Variants in CUL1 observed in about 807,000 individuals in gnomAD.
The protein encoded by CUL1 is cullin-1.
A neutral mutation model predicts 118.0 loss-of-function variants in CUL1; 24 were observed. The ratio of observed to expected loss-of-function variants is 0.20; its 90% CI spans 0.15 to 0.29. CUL1 has a LOEUF of 0.29. CUL1 is among the 10% of genes least tolerant of loss of function. The pLI is 1.00. For missense variants in CUL1, 361 were observed against 933.8 expected, an observed-to-expected ratio of 0.39 and a Z score of 7.99; for synonymous variants, 332 against 340.4, an observed-to-expected ratio of 0.98 and a Z score of 0.27.
intron 2 of CUL1, among the ~76,000 whole-genome samples, chr7:148,749,784 A>G (rs1425830666): frequency 6.6e-6 from 1 of 152,234 alleles, no homozygotes; most frequent in African/African-American, 2.4e-5. Flanking sequence ...GATTAAGCCA[A>G]ATGAGGAAGG....
intron 9 of CUL1, among the ~76,000 whole-genome samples, chr7:148,779,873 G>T (rs1419731795): frequency 1.3e-5 from 2 of 152,178 alleles, no homozygotes; most frequent in African/African-American, 4.8e-5. Flanking sequence ...CCTCAATCTG[G>T]TGGGCACAAT....
intron 2 of CUL1, among the ~76,000 whole-genome samples, chr7:148,750,355 T>A (rs1384400855): frequency 6.6e-6 from 1 of 151,606 alleles, no homozygotes; most frequent in African/African-American, 2.4e-5. Context: ...AATGTGCAGG[T>A]TTGTTACATA....
intron 9 of CUL1, among the ~76,000 whole-genome samples, chr7:148,778,367 G>A (rs1800490178): frequency 6.6e-6 from 1 of 152,066 alleles, no homozygotes; most frequent in South Asian, 2.1e-4. Context: ...TGGTAGTGGT[G>A]GGAACCTCAG....
intron 1 of CUL1, among the ~76,000 whole-genome samples, chr7:148,710,912 C>G (rs1798031412): frequency 1.3e-5 from 2 of 152,122 alleles, no homozygotes; most frequent in South Asian, 4.1e-4. Context: ...AGGTGATCTG[C>G]CCGCCTCGGC....
chr7:148,741,993 A>C (rs771156511), intron 2 of CUL1, among the ~76,000 whole-genome samples: 3 of 152,200 alleles, frequency 2.0e-5, no homozygotes, highest in Non-Finnish European at 4.4e-5. Context: ...TCATGAGTTT[A>C]TTACTGTCAT....
chr7:148,757,301 T>G (rs1417335331), intron 4 of CUL1, 151 bp downstream of exon 4: 11 of 453,660 alleles, frequency 2.4e-5, no homozygotes, highest in Non-Finnish European at 3.7e-6. Flanking sequence ...AAATGTCACT[T>G]AAATATTTTT....
chr7:148,798,263 G>C (rs964788591), intron 19 of CUL1, among the ~76,000 whole-genome samples: 1 of 152,164 alleles, frequency 6.6e-6, no homozygotes, highest in Admixed American at 6.5e-5. Context: ...GGCTCACCAA[G>C]AAAGTTTGGA....
At chr7:148,737,409 T>C (rs1331126271) in intron 2 of CUL1, among the ~76,000 whole-genome samples, 3 of 151,950 alleles carry the variant, frequency 2.0e-5, no homozygotes, top group Non-Finnish European at 4.4e-5. Context: ...TTTTCAGAAA[T>C]GCACGTACCC....
chr7:148,699,802 G>C (rs571456488), intron 1 of CUL1, among the ~76,000 whole-genome samples: 178 of 152,172 alleles, frequency 1.2e-3, no homozygotes, highest in African/African-American at 4.0e-3. Context: ...CCTGCGCTGC[G>C]GCCTCGGCGC....
intron 9 of CUL1, chr7:148,783,191 T>G: frequency 3.7e-6 from 1 of 271,470 alleles, no homozygotes; most frequent in Non-Finnish European, 5.6e-6. Flanking sequence ...CCGTTGCATT[T>G]CCATGTTGTT....
At chr7:148,704,520 G>C (rs908459595) in intron 1 of CUL1, among the ~76,000 whole-genome samples, 7 of 151,996 alleles carry the variant, frequency 4.6e-5, no homozygotes, top group African/African-American at 1.7e-4. Flanking sequence ...TCTGTCCAGG[G>C]TGTGCTGTTA....
intron 2 of CUL1, among the ~76,000 whole-genome samples, chr7:148,736,398 A>G (rs1462348130): frequency 6.6e-6 from 1 of 152,142 alleles, no homozygotes; most frequent in Non-Finnish European, 1.5e-5. Context: ...TCCTGGACTC[A>G]AGTGATTCCA....
chr7:148,726,794 C>G (rs1305343808), intron 1 of CUL1, among the ~76,000 whole-genome samples: 1 of 139,630 alleles, frequency 7.2e-6, no homozygotes, highest in Non-Finnish European at 1.6e-5. Flanking sequence ...TACACAAATG[C>G]ATAGCACATA....
chr7:148,789,293 T>G (rs986639271), intron 14 of CUL1, among the ~76,000 whole-genome samples: 2 of 152,240 alleles, frequency 1.3e-5, no homozygotes. Context: ...ATTACTGTTA[T>G]AATTTATAGA....
intron 7 of CUL1, among the ~76,000 whole-genome samples, chr7:148,763,457 C>T (rs1329322691): frequency 6.6e-6 from 1 of 152,206 alleles, no homozygotes; most frequent in African/African-American, 2.4e-5. Context: ...AGCCTTGCAT[C>T]TCAAACTGAG....
At chr7:148,725,204 C>G (rs1243814843) in intron 1 of CUL1, among the ~76,000 whole-genome samples, 1 of 137,244 alleles carries the variant, frequency 7.3e-6, no homozygotes, top group Non-Finnish European at 1.5e-5. Context: ...CGTGTACACA[C>G]ACACACACGC....
chr7:148,761,620 A>C (rs900517756), intron 7 of CUL1, among the ~76,000 whole-genome samples: 1 of 152,270 alleles, frequency 6.6e-6, no homozygotes, highest in Non-Finnish European at 1.5e-5. Flanking sequence ...GAAATACTTT[A>C]GGCTTTGTGA....
rs1329989680 is a variant in CUL1, at chr7:148,766,599, G to A, written c.828G>A (p.Gln276=). ...ARLLEEQRRV[Q]VYLHESTQDE... ...TGCTTGAGGAACAACGAAGAGTTCA[G>A]GTTTACCTTCATGAAAGCACACAAG... Residue 276 remains glutamine (Q), a synonymous_variant, in exon 8 of 22, where the codon CAG becomes CAA. Transcript: ENST00000325222. 1 of 1,613,512 alleles carries A rather than the reference G, an allele frequency of 6.2e-7. No homozygotes were observed. Among genetic ancestry groups the A allele is most frequent in the African/African-American group, 1.3e-5 (1 of 74,872 alleles).
intron 1 of CUL1, among the ~76,000 whole-genome samples, chr7:148,714,079 T>C (rs574852244): frequency 6.6e-6 from 1 of 152,366 alleles, no homozygotes; most frequent in East Asian, 1.9e-4. Flanking sequence ...AGAAGCCTGC[T>C]ATATCCATTT....
Sources: allele counts gnomAD v4.1 joint callset (sites outside exome capture counted in the v4.1 genomes callset), GRCh38; gene constraint gnomAD v4.1.1; transcripts MANE v1.5; gene names NCBI Gene and HGNC (gene_info 2026-07-23, HGNC 2026-07-21).